The following CTNNA3 variants were observed in gnomAD, a reference collection of about 807,000 sequenced individuals.
CTNNA3 encodes catenin alpha-3.
CTNNA3 carries 76 observed loss-of-function variants against 95.7 expected under a neutral mutation model. The observed-to-expected ratio is 0.79, with a 90% confidence interval of 0.66 to 0.96. The LOEUF (loss-of-function observed/expected upper bound fraction) is 0.96. Among genes scored for constraint, CTNNA3 ranks in the 40% least tolerant of loss-of-function variants. The pLI is 0.00. For missense variants in CTNNA3, 1,191 were observed against 1,089.8 expected (o/e 1.09, Z -1.31); for synonymous variants, 431 against 374.4 (o/e 1.15, Z -1.74).
chr10:66,586,588 C>T (rs1433273696), intron 10 of CTNNA3, among the ~76,000 whole-genome samples: 1 of 152,134 alleles, frequency 6.6e-6, no homozygotes, highest in Non-Finnish European at 1.5e-5. Flanking sequence ...GGCACACTTC[C>T]TGTGGATAGT....
In CTNNA3 at chr10:66,805,479, A is replaced by G. The variant is rs192655123; in HGVS notation, c.1048-29955T>C. On this transcript the variant is annotated intron_variant, in intron 7 of 17. Coordinates refer to ENST00000433211, the MANE Select transcript of CTNNA3 (RefSeq NM_013266.4). ...CTTTCTGTCTCTAGATTCCATATAT[A>G]TACACATATATATACATATATATTT... 2.7e-3 allele frequency among the ~76,000 whole-genome samples: 398 copies of G among 149,432 alleles called. 1 individual carries two copies. Among genetic ancestry groups the G allele is most frequent in the Non-Finnish European group, 3.0e-3 (203 of 67,458 alleles).
At chr10:66,491,496 T>C (rs1184770079) in intron 11 of CTNNA3, among the ~76,000 whole-genome samples, 1 of 152,308 alleles carries the variant, frequency 6.6e-6, no homozygotes, top group East Asian at 1.9e-4. Flanking sequence ...TTAAATGTAA[T>C]GACCATTTTA....
intron 13 of CTNNA3, among the ~76,000 whole-genome samples, chr10:66,178,503 C>CA (rs1472637102): frequency 2.1e-5 from 2 of 96,348 alleles, no homozygotes; most frequent in African/African-American, 3.9e-5. Flanking sequence ...ATACACACAC[C>CA]CCTTAAGAGT....
At chr10:66,387,872 A>ACTCAT (rs2092905739) in intron 11 of CTNNA3, among the ~76,000 whole-genome samples, 1 of 151,620 alleles carries the variant, frequency 6.6e-6, no homozygotes, top group African/African-American at 2.4e-5. Context: ...GCATATTCTC[A>ACTCAT]CTCATTGGTG....
chr10:66,344,270 T>C (rs1246841127), intron 12 of CTNNA3, among the ~76,000 whole-genome samples: 1 of 150,482 alleles, frequency 6.6e-6, no homozygotes, highest in East Asian at 2.0e-4. Flanking sequence ...GTTGTTGTTG[T>C]TGTTTGTTTG....
At chr10:66,252,597 T>C (rs2090603288) in intron 13 of CTNNA3, among the ~76,000 whole-genome samples, 2 of 152,196 alleles carry the variant, frequency 1.3e-5, no homozygotes, top group South Asian at 4.1e-4. Flanking sequence ...GTTATGTGAA[T>C]ATATGGGAAT....
chr10:65,989,303 AT>A (rs1032549230), intron 15 of CTNNA3, among the ~76,000 whole-genome samples: 1 of 152,012 alleles, frequency 6.6e-6, no homozygotes, highest in African/African-American at 2.4e-5. Context: ...TATTATTATT[AT>A]TTTTTAATGC....
intron 7 of CTNNA3, among the ~76,000 whole-genome samples, chr10:67,149,332 TC>T (rs1860982150): frequency 6.6e-6 from 1 of 152,090 alleles, no homozygotes; most frequent in African/African-American, 2.4e-5. Context: ...ACGGCTGTAA[TC>T]CCAGCACTTT....
intron 9 of CTNNA3, among the ~76,000 whole-genome samples, chr10:66,753,231 G>T (rs563396276): frequency 1.3e-5 from 2 of 152,268 alleles, no homozygotes; most frequent in African/African-American, 4.8e-5. Context: ...ATCTAGATTT[G>T]TCTGCCTCAC....
intron 1 of CTNNA3, among the ~76,000 whole-genome samples, chr10:67,703,275 A>C (rs1280671496): frequency 9.9e-5 from 15 of 152,082 alleles, no homozygotes; most frequent in Non-Finnish European, 2.2e-4. Context: ...AACTCATTTT[A>C]TGAGGCCAGC....
intron 5 of CTNNA3, among the ~76,000 whole-genome samples, chr10:67,236,840 G>T (rs1430786665): frequency 6.6e-6 from 1 of 151,534 alleles, no homozygotes; most frequent in Non-Finnish European, 1.5e-5. Context: ...GTAGATGTTG[G>T]CATGGATGCA....
intron 13 of CTNNA3, among the ~76,000 whole-genome samples, chr10:66,174,786 A>T (rs1162879832): frequency 2.0e-5 from 3 of 152,100 alleles, no homozygotes; most frequent in Admixed American, 6.6e-5. Context: ...ATGTATTTAT[A>T]TAGTGCTTCA....
chr10:67,753,240 A>T (rs529924177), intron 1 of CTNNA3, among the ~76,000 whole-genome samples: 1 of 152,334 alleles, frequency 6.6e-6, no homozygotes, highest in East Asian at 1.9e-4. Context: ...CCTATTTAAT[A>T]AATGGTGCTG....
chr10:66,387,477 A>C (rs2092902316), intron 11 of CTNNA3, among the ~76,000 whole-genome samples: 1 of 152,168 alleles, frequency 6.6e-6, no homozygotes, highest in Admixed American at 6.6e-5. Flanking sequence ...AGAAACAGGA[A>C]CACTTTTACA....
At chr10:66,551,696 T>C (rs1273782561) in intron 10 of CTNNA3, among the ~76,000 whole-genome samples, 1 of 152,034 alleles carries the variant, frequency 6.6e-6, no homozygotes, top group African/African-American at 2.4e-5. Flanking sequence ...AGAATGTTGA[T>C]ATTTTTATTT....
intron 11 of CTNNA3, among the ~76,000 whole-genome samples, chr10:66,421,904 A>ATATATATATATATATATATATATG: frequency 6.9e-6 from 1 of 144,302 alleles, no homozygotes. Flanking sequence ...TGTGATATAT[A>ATATATATATATATATATATATATG]TATATATATA....
At chr10:66,782,213 A>C (rs1196308255) in intron 7 of CTNNA3, among the ~76,000 whole-genome samples, 1 of 152,134 alleles carries the variant, frequency 6.6e-6, no homozygotes, top group African/African-American at 2.4e-5. Context: ...AGTTGTTATA[A>C]GGAATAAAAG....
At chr10:66,463,885 A>ATT (rs1405851488) in intron 11 of CTNNA3, among the ~76,000 whole-genome samples, 10 of 140,348 alleles carry the variant, frequency 7.1e-5, no homozygotes, top group African/African-American at 2.1e-4. Flanking sequence ...GTCACTTTCC[A>ATT]ATTTTTTTTT....
At chr10:67,734,672 C>G (rs1157285787) in intron 1 of CTNNA3, among the ~76,000 whole-genome samples, 3 of 152,074 alleles carry the variant, frequency 2.0e-5, no homozygotes, top group Non-Finnish European at 2.9e-5. Context: ...TGAATATGAA[C>G]TGGGAAAACA....
Sources: allele counts gnomAD v4.1 joint callset (sites outside exome capture counted in the v4.1 genomes callset), GRCh38; gene constraint gnomAD v4.1.1; transcripts MANE v1.5; gene names NCBI Gene and HGNC (gene_info 2026-07-23, HGNC 2026-07-21).